PLPPR1: variants seen among roughly 807,000 people sequenced by gnomAD.
The protein encoded by PLPPR1 is phospholipid phosphatase-related protein type 1.
A neutral mutation model predicts 33.1 loss-of-function variants in PLPPR1; 10 were observed. That is an observed-to-expected ratio of 0.30 (90% CI 0.19 to 0.51). The LOEUF (loss-of-function observed/expected upper bound fraction) is 0.51, where lower values mean the gene tolerates loss of function less well. PLPPR1 is among the 20% of genes least tolerant of loss of function. The pLI, the probability that PLPPR1 is intolerant of heterozygous loss-of-function variation, is 0.97. For missense variants in PLPPR1, 304 were observed against 408.1 expected (o/e 0.74, Z 2.20); for synonymous variants, 151 against 151.0 (o/e 1.00, Z 0.00).
chr9:101,113,602 A>T (rs909794833), intron 1 of PLPPR1, among the ~76,000 whole-genome samples: 6 of 151,694 alleles, frequency 4.0e-5, no homozygotes, highest in African/African-American at 1.4e-4. Context: ...TTGGGGGAAA[A>T]TGTAAGTGTT....
chr9:101,296,021 T>C (rs1244937844), intron 4 of PLPPR1, among the ~76,000 whole-genome samples: 1 of 149,982 alleles, frequency 6.7e-6, no homozygotes, highest in African/African-American at 2.5e-5. Flanking sequence ...AGGCAACCTA[T>C]AAAATGGGAG....
chr9:101,227,324 G>A (rs935777905), intron 2 of PLPPR1, among the ~76,000 whole-genome samples: 1 of 152,074 alleles, frequency 6.6e-6, no homozygotes, highest in Non-Finnish European at 1.5e-5. Context: ...TGTTGTTTCT[G>A]GACTTTTTAA....
At chr9:101,150,367 GT>G (rs1305473528) in intron 1 of PLPPR1, among the ~76,000 whole-genome samples, 1 of 152,012 alleles carries the variant, frequency 6.6e-6, no homozygotes, top group Non-Finnish European at 1.5e-5. Context: ...TAGTTTTGTA[GT>G]TTTATGCATA....
chr9:101,322,058 C>T (rs1157967431), intron 7 of PLPPR1, among the ~76,000 whole-genome samples: 2 of 149,474 alleles, frequency 1.3e-5, no homozygotes, highest in Non-Finnish European at 3.0e-5. Flanking sequence ...ATTAGCCAGG[C>T]GTGGTGGCAG....
Position 101,108,771 on chromosome 9 carries a change from G to T in PLPPR1, c.-45-76679G>T, listed in dbSNP as rs980955867. Among the ~76,000 whole-genome samples, 3 of 152,048 alleles carry T rather than the reference G, an allele frequency of 2.0e-5. No homozygotes were observed. The South Asian group carries it at 6.2e-4, about 31-fold the overall frequency. On this transcript the variant is annotated intron_variant, in intron 1 of 7. Transcript: ENST00000374874. ...TAAGCTACATCTTTTGTCTGCTTTG[G>T]AAGTTTCAGAATTCTTTTCATTTCC...
chr9:101,290,045 C>A (rs1301042265), intron 4 of PLPPR1, among the ~76,000 whole-genome samples: 1 of 152,096 alleles, frequency 6.6e-6, no homozygotes, highest in Non-Finnish European at 1.5e-5. Flanking sequence ...TGAAGGAATG[C>A]ATCTATTAAT....
intron 1 of PLPPR1, among the ~76,000 whole-genome samples, chr9:101,068,145 T>A (rs555121978): frequency 6.6e-6 from 1 of 152,280 alleles, no homozygotes; most frequent in East Asian, 1.9e-4. Flanking sequence ...GCAAATACCA[T>A]GTACAAGTCC....
At chr9:101,206,294 C>A (rs1191970331) in intron 2 of PLPPR1, among the ~76,000 whole-genome samples, 2 of 152,158 alleles carry the variant, frequency 1.3e-5, no homozygotes, top group African/African-American at 4.8e-5. Flanking sequence ...TTGTGACATA[C>A]ACAATACACA....
At chr9:101,180,721 C>T (rs1826096317) in intron 1 of PLPPR1, among the ~76,000 whole-genome samples, 1 of 151,724 alleles carries the variant, frequency 6.6e-6, no homozygotes, top group East Asian at 2.0e-4. Context: ...TATTCCACAC[C>T]ATAAACAAAA....
Position 101,286,148 on chromosome 9 carries a change from A to G in PLPPR1, c.297A>G (p.Arg99=), listed in dbSNP as rs1325615681. 6.2e-7 allele frequency: 1 copy of G among 1,612,570 alleles called. No homozygotes were observed. The highest frequency in any genetic ancestry group is 8.5e-7 in the Non-Finnish European group (1 of 1,178,622). The stretch of plus-strand genomic sequence containing the variant: ...CCATGTATTTCATAAAATCAACAAG[A>G]GAATCCCTGATTGCTCAGGAGAAAA... ...EISMYFIKST[R]ESLIAQEKTI... The change falls in exon 4 of 8, where the codon AGA becomes AGG. Residue 99 remains arginine, a synonymous_variant. Coordinates refer to ENST00000374874, the MANE Select transcript of PLPPR1 (RefSeq NM_207299.2).
At chr9:101,223,148 CAAAAAAA>C (rs869205435) in intron 2 of PLPPR1, among the ~76,000 whole-genome samples, 28 of 23,720 alleles carry the variant, frequency 1.2e-3, no homozygotes, top group Non-Finnish European at 1.9e-3. Context: ...CCCATCTCTA[CAAAAAAA>C]AAAAAAAAAA....
At chr9:101,147,042 G>T (rs79246277) in intron 1 of PLPPR1, among the ~76,000 whole-genome samples, 2 of 152,096 alleles carry the variant, frequency 1.3e-5, no homozygotes, top group African/African-American at 4.8e-5. Context: ...ACCTGATAAC[G>T]TTAAAACTAA....
intron 2 of PLPPR1, among the ~76,000 whole-genome samples, chr9:101,208,240 T>C (rs10114436): frequency 0.068 from 10,350 of 152,228 alleles, 1,142 homozygotes; most frequent in African/African-American, 0.23. Context: ...AGTGAATGCA[T>C]AGTCACTGTT....
At chr9:101,316,240 T>C (rs1174353670) in intron 6 of PLPPR1, among the ~76,000 whole-genome samples, 1 of 151,890 alleles carries the variant, frequency 6.6e-6, no homozygotes, top group Admixed American at 6.6e-5. Flanking sequence ...ATCGAGACCA[T>C]CCTGGCTAAC....
chr9:101,089,773 T>C (rs1830720723), intron 1 of PLPPR1, among the ~76,000 whole-genome samples: 1 of 152,216 alleles, frequency 6.6e-6, no homozygotes, highest in Non-Finnish European at 1.5e-5. Context: ...GAGTCTCTTG[T>C]TATTTTTAAT....
At chr9:101,322,807 CATGATCAATAAGGTTGATCTG>C (rs1420193598) in intron 7 of PLPPR1, among the ~76,000 whole-genome samples, 1 of 152,264 alleles carries the variant, frequency 6.6e-6, no homozygotes, top group East Asian at 1.9e-4. Flanking sequence ...TAAGGATACA[CATGATCAATAAGGTTGATCTG>C]ATGTGCATTA....
At chr9:101,242,434 C>T (rs1187333209) in intron 2 of PLPPR1, among the ~76,000 whole-genome samples, 1 of 151,904 alleles carries the variant, frequency 6.6e-6, no homozygotes, top group Non-Finnish European at 1.5e-5. Flanking sequence ...AATAAGAGTG[C>T]TTGCTCTCAA....
At chr9:101,196,530 G>A (rs1170934194) in intron 2 of PLPPR1, among the ~76,000 whole-genome samples, 1 of 152,140 alleles carries the variant, frequency 6.6e-6, no homozygotes, top group Non-Finnish European at 1.5e-5. Flanking sequence ...TAAAATTCTT[G>A]TCCCTTTATA....
chr9:101,138,208 A>T (rs1311987440), intron 1 of PLPPR1, among the ~76,000 whole-genome samples: 1 of 152,216 alleles, frequency 6.6e-6, no homozygotes, highest in Non-Finnish European at 1.5e-5. Flanking sequence ...GGTGATTTTG[A>T]GAAATGAATT....
Sources: allele counts gnomAD v4.1 joint callset (sites outside exome capture counted in the v4.1 genomes callset), GRCh38; gene constraint gnomAD v4.1.1; transcripts MANE v1.5; gene names NCBI Gene and HGNC (gene_info 2026-07-23, HGNC 2026-07-21).